The following NRXN1 variants were observed in gnomAD, a reference collection of about 807,000 sequenced individuals.
NRXN1 encodes the protein neurexin-1.
NRXN1 carries 39 observed loss-of-function variants against 150.9 expected under a neutral mutation model. That is an observed-to-expected ratio of 0.26 (90% CI 0.20 to 0.34). NRXN1 has a LOEUF of 0.34. NRXN1 is among the 10% of genes least tolerant of loss of function. The pLI is 1.00. For synonymous variants in NRXN1, 924 were observed against 757.0 expected (o/e 1.22, Z -3.62); for missense variants, 1,815 against 1,949.9 (o/e 0.93, Z 1.30).
intron 17 of NRXN1, among the ~76,000 whole-genome samples, chr2:50,440,155 A>G (rs1400825229): frequency 1.3e-5 from 2 of 152,162 alleles, no homozygotes; most frequent in Non-Finnish European, 2.9e-5. Flanking sequence ...TTTCAATATG[A>G]GCAATGACAG....
At chr2:50,908,903 A>C (rs1490597677) in intron 5 of NRXN1, among the ~76,000 whole-genome samples, 7 of 151,998 alleles carry the variant, frequency 4.6e-5, no homozygotes, top group Non-Finnish European at 1.0e-4. Context: ...TGCAGCAAGA[A>C]GGCCCTCACT....
At chr2:50,622,668 A>G (rs896302195) in intron 6 of NRXN1, among the ~76,000 whole-genome samples, 1 of 152,196 alleles carries the variant, frequency 6.6e-6, no homozygotes, top group Non-Finnish European at 1.5e-5. Flanking sequence ...ATCTTGAAAA[A>G]GTTTTTTTAA....
intron 5 of NRXN1, among the ~76,000 whole-genome samples, chr2:50,831,998 T>C (rs1671471808): frequency 6.6e-6 from 1 of 152,084 alleles, no homozygotes; most frequent in African/African-American, 2.4e-5. Context: ...TAATAACTGG[T>C]TTCCAAGTTT....
At chr2:50,311,531 G>T (rs941050934) in intron 17 of NRXN1, among the ~76,000 whole-genome samples, 1 of 152,038 alleles carries the variant, frequency 6.6e-6, no homozygotes, top group African/African-American at 2.4e-5. Context: ...ACAGCAACTT[G>T]TGTACTCCCC....
rs934022274 is a variant in NRXN1 at position 50,864,676 on chromosome 2, G to A, written c.832+57193C>T. On this transcript the variant is annotated intron_variant, in intron 5 of 22. Coordinates refer to ENST00000401669, the MANE Select transcript of NRXN1 (RefSeq NM_001330078.2). ...GCGAAGCTGAAGGCATTAAGATGCT[G>A]TGTGTACTGATTTTTAAGAAAGTGT... Among the ~76,000 whole-genome samples the A allele has an allele frequency of 3.3e-5, 5 of 152,020 alleles. No individual in the cohort carries two copies. In the South Asian group the frequency reaches 8.3e-4, roughly 25 times the overall value.
chr2:50,704,104 T>C (rs1185434369), intron 5 of NRXN1, among the ~76,000 whole-genome samples: 4 of 152,084 alleles, frequency 2.6e-5, no homozygotes, highest in East Asian at 1.9e-4. Context: ...TATGGAAATA[T>C]ATAAACTGGA....
At chr2:50,147,326 G>A (rs886703308) in intron 18 of NRXN1, among the ~76,000 whole-genome samples, 4 of 151,712 alleles carry the variant, frequency 2.6e-5, no homozygotes, top group Admixed American at 1.3e-4. Flanking sequence ...ATCTTTATCT[G>A]TATAGCCAGA....
At chr2:50,088,457 G>A (rs1244884409) in intron 19 of NRXN1, among the ~76,000 whole-genome samples, 1 of 151,884 alleles carries the variant, frequency 6.6e-6, no homozygotes, top group African/African-American at 2.4e-5. Context: ...TTTCTTGAGG[G>A]CCGACTCTGT....
chr2:50,916,824 C>A (rs1353654452), intron 5 of NRXN1: 1 of 151,590 alleles, frequency 6.6e-6, no homozygotes, highest in Non-Finnish European at 1.5e-5. Context: ...TACAGAAATA[C>A]ATTCAAGCTG....
intron 5 of NRXN1, among the ~76,000 whole-genome samples, chr2:50,750,865 A>C (rs1033041125): frequency 6.6e-6 from 1 of 152,114 alleles, no homozygotes; most frequent in Admixed American, 6.6e-5. Context: ...GCTTATTATA[A>C]GAAAACATAA....
chr2:50,892,061 G>C (rs904157940), intron 5 of NRXN1, among the ~76,000 whole-genome samples: 2 of 151,928 alleles, frequency 1.3e-5, no homozygotes, highest in Non-Finnish European at 2.9e-5. Context: ...TATTATTTTA[G>C]GGAAAGAAAG....
At chr2:50,150,755 T>C (rs2152771813) in intron 18 of NRXN1, among the ~76,000 whole-genome samples, 1 of 151,858 alleles carries the variant, frequency 6.6e-6, no homozygotes, top group East Asian at 1.9e-4. Flanking sequence ...ATGCTTCCCA[T>C]ATCACATCCA....
chr2:50,487,100 A>G (rs893216154), intron 15 of NRXN1, among the ~76,000 whole-genome samples: 1 of 152,168 alleles, frequency 6.6e-6, no homozygotes, highest in Non-Finnish European at 1.5e-5. Flanking sequence ...TGGTGATAAG[A>G]ACAGCAACTT....
intron 18 of NRXN1, among the ~76,000 whole-genome samples, chr2:50,126,775 G>T (rs1280128558): frequency 6.6e-6 from 1 of 151,922 alleles, no homozygotes; most frequent in Admixed American, 6.6e-5. Flanking sequence ...TTAGTTTTTG[G>T]TCTTTTAAGG....
At chr2:51,005,048 T>A (rs1224184421) in intron 2 of NRXN1, among the ~76,000 whole-genome samples, 2 of 152,094 alleles carry the variant, frequency 1.3e-5, no homozygotes, top group East Asian at 1.9e-4. Flanking sequence ...AGCTATTTTT[T>A]AAAATAGTCA....
At chr2:50,701,064 C>T (rs1259794015) in intron 5 of NRXN1, among the ~76,000 whole-genome samples, 2 of 152,158 alleles carry the variant, frequency 1.3e-5, no homozygotes, top group Non-Finnish European at 2.9e-5. Context: ...AGACACCCTG[C>T]TCTTTGAAAT....
chr2:50,066,753 C>T (rs56088150), intron 19 of NRXN1, among the ~76,000 whole-genome samples: 5,456 of 152,136 alleles, frequency 0.036, 334 homozygotes, highest in African/African-American at 0.12. Context: ...CACTGAAAAT[C>T]GGCAAGAATT....
At chr2:50,757,012 T>C (rs1701223874) in intron 5 of NRXN1, among the ~76,000 whole-genome samples, 1 of 151,866 alleles carries the variant, frequency 6.6e-6, no homozygotes, top group Non-Finnish European at 1.5e-5. Flanking sequence ...GGTATACTAA[T>C]GTGAGAAAAC....
At chr2:50,315,983 G>A (rs913698933) in intron 17 of NRXN1, among the ~76,000 whole-genome samples, 5 of 152,038 alleles carry the variant, frequency 3.3e-5, no homozygotes, top group African/African-American at 9.7e-5. Context: ...GATTCACATT[G>A]AACTGGGAAA....
Sources: gnomAD v4.1 joint callset for allele counts (sites outside exome capture counted in the v4.1 genomes callset) on GRCh38, gnomAD v4.1.1 for gene constraint, MANE v1.5 for transcripts, NCBI Gene and HGNC (gene_info 2026-07-23, HGNC 2026-07-21) for gene names.